Variants in FRYL observed in about 807,000 individuals in gnomAD.
FRYL encodes FRY like transcription coactivator.
A neutral mutation model predicts 351.2 loss-of-function variants in FRYL; 150 were observed. The ratio of observed to expected loss-of-function variants is 0.43; its 90% confidence interval spans 0.37 to 0.49. The LOEUF is 0.49. FRYL is among the 20% of genes least tolerant of loss of function. The pLI is 0.00. For missense variants in FRYL, 3,036 were observed against 3,619.3 expected (o/e 0.84, Z 4.13); for synonymous variants, 1,153 against 1,257.1 (o/e 0.92, Z 1.75).
Position 48,669,604 on chromosome 4 carries a change from GATAT to G in FRYL, c.-81+15065_-81+15068del, listed in dbSNP as rs535236922. 4.3e-4 allele frequency among the ~76,000 whole-genome samples: 64 copies of G among 147,332 alleles called. No individual in the cohort carries two copies. In the East Asian group the frequency reaches 0.011, roughly 25 times the overall value. On this transcript the variant is annotated intron_variant, in intron 3 of 63. Transcript: ENST00000358350. ...TATATATGTAAAATTATATTAAAGG[GATAT>G]ATATAATTTTTATTACATAAAAATT...
intron 2 of FRYL, among the ~76,000 whole-genome samples, chr4:48,692,409 T>C (rs1765757622): frequency 6.6e-6 from 1 of 152,102 alleles, no homozygotes; most frequent in Non-Finnish European, 1.5e-5. Flanking sequence ...TTTTTTTTTT[T>C]TGAGACAGAG....
intron 33 of FRYL, among the ~76,000 whole-genome samples, chr4:48,559,980 A>G (rs950925947): frequency 2.0e-5 from 3 of 152,140 alleles, no homozygotes; most frequent in Admixed American, 6.5e-5. Context: ...GGAAATTGAT[A>G]CTAGTGGAGT....
chr4:48,518,731 G>T (rs1724212240), intron 55 of FRYL, among the ~76,000 whole-genome samples: 1 of 152,156 alleles, frequency 6.6e-6, no homozygotes, highest in Non-Finnish European at 1.5e-5. Context: ...AAATCTTCAA[G>T]GGGTGGGCTG....
chr4:48,716,392 T>A (rs1346464517), intron 1 of FRYL, among the ~76,000 whole-genome samples: 1 of 151,456 alleles, frequency 6.6e-6, no homozygotes, highest in Non-Finnish European at 1.5e-5. Context: ...AAAGGGCTAA[T>A]ATCCAGAATC....
intron 1 of FRYL, among the ~76,000 whole-genome samples, chr4:48,765,089 C>A (rs561802580): frequency 2.0e-5 from 3 of 152,226 alleles, no homozygotes; most frequent in South Asian, 2.1e-4. Context: ...GTGATCCCCC[C>A]ACCTCGGCCT....
At chr4:48,629,646 G>A (rs1357279600) in intron 4 of FRYL, among the ~76,000 whole-genome samples, 1 of 152,114 alleles carries the variant, frequency 6.6e-6, no homozygotes, top group Admixed American at 6.6e-5. Context: ...CAGGAAGTTG[G>A]AATGGGGACT....
intron 59 of FRYL, 50 bp from the exon 60 acceptor site, chr4:48,505,665 G>T: frequency 1.8e-6 from 2 of 1,138,138 alleles, no homozygotes; most frequent in Non-Finnish European, 2.6e-6. Flanking sequence ...AATGGGTAGT[G>T]TAACAGCCTG....
At chr4:48,766,008 G>C (rs1201628050) in intron 1 of FRYL, among the ~76,000 whole-genome samples, 3 of 152,196 alleles carry the variant, frequency 2.0e-5, no homozygotes, top group Non-Finnish European at 4.4e-5. Flanking sequence ...GTGGAGAAAA[G>C]GGAATGCTTG....
Position 48,541,922 on chromosome 4 carries a change from G to A in FRYL, c.5687+105C>T, listed in dbSNP as rs1730256427. ...CCCACTGGTAATCCATCTAATTTGGGCAGTATTGTGCTTACTAACAATATT... is the reference window on the plus strand; with the variant it reads ...CCCACTGGTAATCCATCTAATTTGGACAGTATTGTGCTTACTAACAATATT... On this transcript the variant is annotated intron_variant, in intron 45 of 63. Coordinates refer to ENST00000358350, the MANE Select transcript of FRYL (RefSeq NM_015030.2). 6.6e-6 allele frequency: 5 copies of A among 754,558 alleles called. 1 individual carries two copies. The highest frequency in any genetic ancestry group is 1.7e-5 in the African/African-American group (1 of 57,158). The allele number at this position is 754,558 out of a possible 1,614,324, so 46.7% of individuals were successfully genotyped here.
intron 1 of FRYL, among the ~76,000 whole-genome samples, chr4:48,766,968 A>G (rs1239731556): frequency 6.7e-6 from 1 of 148,360 alleles, no homozygotes; most frequent in Non-Finnish European, 1.5e-5. Context: ...GAATGGATAA[A>G]AAATCATAAT....
rs534408572 is a variant in FRYL at position 48,582,722 on chromosome 4, A to G, written c.1761T>C (p.His587=). ...LIELLARLTI[H]MDEELRALAF... ...CCAGAGCACGCAGTTCTTCATCCATATGAATTGTGAGCCTACCAAGAACAA... is the reference window on the plus strand; with the variant it reads ...CCAGAGCACGCAGTTCTTCATCCATGTGAATTGTGAGCCTACCAAGAACAA... Residue 587 remains histidine (H), a synonymous_variant, in exon 20 of 64, where the codon CAT becomes CAC. Transcript: ENST00000358350. 232 of 1,613,350 alleles carry G rather than the reference A, an allele frequency of 1.4e-4. 2 individuals carry two copies. The Middle Eastern group carries it at 2.3e-3, about 16-fold the overall frequency.
At chr4:48,767,015 TTATA>T (rs1380845941) in intron 1 of FRYL, among the ~76,000 whole-genome samples, 3 of 147,676 alleles carry the variant, frequency 2.0e-5, no homozygotes, top group Non-Finnish European at 4.5e-5. Flanking sequence ...ATTTTATATA[TTATA>T]TATAAAATAT....
intron 26 of FRYL, among the ~76,000 whole-genome samples, chr4:48,571,257 C>A (rs1738254613): frequency 6.6e-6 from 1 of 152,010 alleles, no homozygotes; most frequent in African/African-American, 2.4e-5. Context: ...TCCCTAATAC[C>A]CTCCCAAAAA....
intron 33 of FRYL, among the ~76,000 whole-genome samples, chr4:48,558,244 A>G (rs1000099639): frequency 6.6e-5 from 10 of 152,264 alleles, no homozygotes; most frequent in Non-Finnish European, 1.3e-4. Context: ...TAAAAAAGGG[A>G]AAACAGGAAA....
chr4:48,694,704 C>T (rs1042448569), intron 2 of FRYL, among the ~76,000 whole-genome samples: 1 of 152,114 alleles, frequency 6.6e-6, no homozygotes, highest in Non-Finnish European at 1.5e-5. Context: ...ACAGGAAAAA[C>T]AAGTGTTATA....
intron 35 of FRYL, 44 bp from the exon 36 acceptor site, chr4:48,553,427 T>C: frequency 7.0e-7 from 1 of 1,432,652 alleles, no homozygotes; most frequent in Non-Finnish European, 9.7e-7. Context: ...GCAAAGTTTT[T>C]ATCTCATTAA....
intron 3 of FRYL, among the ~76,000 whole-genome samples, chr4:48,664,886 G>C (rs1192705054): frequency 6.6e-6 from 1 of 152,154 alleles, no homozygotes; most frequent in Non-Finnish European, 1.5e-5. Context: ...AGTTGGACCA[G>C]AATTCTGCCT....
At chr4:48,726,059 T>G (rs1770045927) in intron 1 of FRYL, among the ~76,000 whole-genome samples, 2 of 152,132 alleles carry the variant, frequency 1.3e-5, no homozygotes, top group South Asian at 2.1e-4. Context: ...TCAGAGATAA[T>G]GACCTTGAAA....
chr4:48,507,545 G>GTTAC (rs1361567615), intron 59 of FRYL, among the ~76,000 whole-genome samples: 1 of 151,978 alleles, frequency 6.6e-6, no homozygotes, highest in Non-Finnish European at 1.5e-5. Context: ...CAGTTAGTTA[G>GTTAC]TTAGAGAAAA....
Sources: gnomAD v4.1 joint callset for allele counts (sites outside exome capture counted in the v4.1 genomes callset) on GRCh38, gnomAD v4.1.1 for gene constraint, MANE v1.5 for transcripts, NCBI Gene and HGNC (gene_info 2026-07-23, HGNC 2026-07-21) for gene names.